KMT2C: variants seen among roughly 807,000 people sequenced by gnomAD.
KMT2C encodes lysine methyltransferase 2C.
A neutral mutation model predicts 507.9 loss-of-function variants in KMT2C; 88 were observed. That is an observed-to-expected ratio of 0.17 (90% CI 0.15 to 0.21). The LOEUF is 0.21. Among genes scored for constraint, KMT2C ranks in the 10% least tolerant of loss-of-function variants. The probability of loss-of-function intolerance (pLI) is 1.00; values close to 1 mark genes in which losing one functional copy is unlikely to be tolerated. For synonymous variants in KMT2C, 2,049 were observed against 2,080.8 expected (o/e 0.98, Z 0.42); for missense variants, 4,954 against 5,957.8 (o/e 0.83, Z 5.55).
chr7:152,151,982 T>C (rs545802455), intron 49 of KMT2C, among the ~76,000 whole-genome samples: 1 of 152,306 alleles, frequency 6.6e-6, no homozygotes, highest in Non-Finnish European at 1.5e-5. Flanking sequence ...TAAATAAGTG[T>C]GACTTGCAGA....
chr7:152,392,108 T>A (rs1378863782), intron 1 of KMT2C, among the ~76,000 whole-genome samples: 1 of 152,196 alleles, frequency 6.6e-6, no homozygotes, highest in Non-Finnish European at 1.5e-5. Context: ...ATGTTTTATA[T>A]TTTTCTTTGC....
intron 24 of KMT2C, 150 bp from the exon 25 acceptor site, chr7:152,205,375 A>G: frequency 1.9e-6 from 1 of 527,770 alleles, no homozygotes; most frequent in Non-Finnish European, 3.2e-6. Context: ...TTTTTAGGTA[A>G]AATAGAAGTT....
intron 1 of KMT2C, among the ~76,000 whole-genome samples, chr7:152,364,970 C>T (rs559185221): frequency 2.6e-5 from 4 of 151,204 alleles, no homozygotes; most frequent in Admixed American, 6.6e-5. Flanking sequence ...CACACACACA[C>T]GTACCAGTAA....
At chr7:152,320,697 A>C (rs1456428000) in intron 3 of KMT2C, among the ~76,000 whole-genome samples, 1 of 152,014 alleles carries the variant, frequency 6.6e-6, no homozygotes, top group Non-Finnish European at 1.5e-5. Context: ...TAAGTATTGA[A>C]CATCTTTATT....
intron 2 of KMT2C, among the ~76,000 whole-genome samples, chr7:152,351,553 C>A (rs2097110858): frequency 6.6e-6 from 1 of 152,178 alleles, no homozygotes; most frequent in African/African-American, 2.4e-5. Flanking sequence ...ATAACTAATT[C>A]TCAACAGTAA....
intron 1 of KMT2C, among the ~76,000 whole-genome samples, chr7:152,358,959 T>A (rs943171817): frequency 2.0e-5 from 3 of 152,148 alleles, no homozygotes; most frequent in Non-Finnish European, 2.9e-5. Context: ...TTGCCCCTTT[T>A]TTAGGTAACC....
chr7:152,258,171 C>T (rs1397882330), intron 9 of KMT2C, among the ~76,000 whole-genome samples: 1 of 152,158 alleles, frequency 6.6e-6, no homozygotes, highest in Non-Finnish European at 1.5e-5. Flanking sequence ...ATAAGATGAG[C>T]TTGTAACATC....
chr7:152,419,813 C>T (rs1209691667), intron 1 of KMT2C, among the ~76,000 whole-genome samples: 1 of 152,160 alleles, frequency 6.6e-6, no homozygotes, highest in Admixed American at 6.6e-5. Context: ...ATGATTCAAC[C>T]CCATGTGATC....
At chr7:152,321,149 G>C (rs768168199) in intron 3 of KMT2C, among the ~76,000 whole-genome samples, 1 of 151,832 alleles carries the variant, frequency 6.6e-6, no homozygotes, top group Non-Finnish European at 1.5e-5. Context: ...CAGGAGAATC[G>C]CTTGAACCTA....
At chr7:152,300,857 A>AGACC (rs2096559701) in intron 6 of KMT2C, among the ~76,000 whole-genome samples, 1 of 152,014 alleles carries the variant, frequency 6.6e-6, no homozygotes, top group South Asian at 2.1e-4. Flanking sequence ...CAAGAGATTG[A>AGACC]GACCATCCTA....
At chr7:152,211,059 T>A (rs2094444697) in intron 23 of KMT2C, among the ~76,000 whole-genome samples, 1 of 152,086 alleles carries the variant, frequency 6.6e-6, no homozygotes, top group South Asian at 2.1e-4. Context: ...AAACAGATTT[T>A]AAAAATCAAA....
In KMT2C at chr7:152,154,027, G is replaced by A. The variant is rs1405220859; in HGVS notation, c.12259C>T (p.His4087Tyr). The change falls in exon 48 of 59, where the codon CAT becomes TAT. Residue 4087 changes from histidine (H) to tyrosine (Y), a missense_variant. His to Tyr is a moderately conservative substitution (Grantham distance 83, BLOSUM62 2). Coordinates refer to ENST00000262189, the MANE Select transcript of KMT2C (RefSeq NM_170606.3). ...TCTTTTACCTCAGCAGCTGTAGGAT[G>A]CAGAGTAATTGCTACAGATATAAGA... ...SGLISVAITL[H>Y]PTAAENISSV... is the part of the protein sequence containing the mutation. The A allele has an allele frequency of 1.9e-6, 3 of 1,613,892 alleles. No homozygotes were observed. Among genetic ancestry groups the A allele is most frequent in the Non-Finnish European group, 2.5e-6 (3 of 1,179,882 alleles).
intron 1 of KMT2C, among the ~76,000 whole-genome samples, chr7:152,384,295 AC>A: frequency 6.6e-6 from 1 of 152,100 alleles, no homozygotes; most frequent in Non-Finnish European, 1.5e-5. Flanking sequence ...AACCCATACT[AC>A]CTCTAAAGCC....
At chr7:152,178,879 T>G (rs922063445) in intron 37 of KMT2C, among the ~76,000 whole-genome samples, 10 of 152,230 alleles carry the variant, frequency 6.6e-5, no homozygotes, top group Admixed American at 6.5e-4. Context: ...TTTAGCCACT[T>G]TGAAAAAGGA....
intron 2 of KMT2C, among the ~76,000 whole-genome samples, chr7:152,341,247 C>T (rs151151301): frequency 2.4e-4 from 36 of 152,276 alleles, no homozygotes; most frequent in African/African-American, 8.2e-4. Context: ...CAAGCCTGAC[C>T]TAAATTCCTA....
intron 2 of KMT2C, among the ~76,000 whole-genome samples, chr7:152,357,262 C>T (rs946007150): frequency 2.0e-5 from 3 of 151,948 alleles, no homozygotes; most frequent in South Asian, 2.1e-4. Flanking sequence ...CAGTGGCTCA[C>T]GCCTGTAATC....
chr7:152,263,251 T>C (rs1427761662), intron 8 of KMT2C, 121 bp from the exon 9 acceptor site: 1 of 770,694 alleles, frequency 1.3e-6, no homozygotes, highest in East Asian at 2.8e-5. Context: ...AGTATCTGTT[T>C]TGTCTCTGCA....
At chr7:152,159,326 C>G (rs1308320709) in intron 43 of KMT2C, among the ~76,000 whole-genome samples, 1 of 152,240 alleles carries the variant, frequency 6.6e-6, no homozygotes, top group Non-Finnish European at 1.5e-5. Context: ...GGCCACAGCC[C>G]TTTCTGGCAA....
In KMT2C at chr7:152,159,029, T is replaced by A. The variant is rs2129101621; in HGVS notation, c.11504A>T (p.Asn3835Ile). 6.2e-7 allele frequency: 1 copy of A among 1,614,202 alleles called. No individual in the cohort carries two copies. The highest frequency in any genetic ancestry group is 1.3e-5 in the African/African-American group (1 of 75,058). ...TCCTCCATCTGTTTTTGGCAACTGG[T>A]TGCCACATCCAAAACCACCTTGCAT... Reference protein sequence around the residue: ...AQMQGGFGCGNQLPKTDGGSE... With the variant: ...AQMQGGFGCGIQLPKTDGGSE... Residue 3835 changes from asparagine to isoleucine, a missense_variant, in exon 44 of 59, where the codon AAC becomes ATC. Physicochemically the swap from Asn to Ile is moderately radical, Grantham distance 149. Coordinates refer to ENST00000262189, the MANE Select transcript of KMT2C (RefSeq NM_170606.3).
Sources: gnomAD v4.1 joint callset for allele counts (sites outside exome capture counted in the v4.1 genomes callset) on GRCh38, gnomAD v4.1.1 for gene constraint, MANE v1.5 for transcripts, NCBI Gene and HGNC (gene_info 2026-07-23, HGNC 2026-07-21) for gene names.